CDH13: variants seen among roughly 807,000 people sequenced by gnomAD.
CDH13 encodes the protein cadherin-13.
In CDH13, 24 loss-of-function variants were observed where a neutral mutation model predicts 63.8. The observed-to-expected ratio is 0.38, with a 90% CI of 0.27 to 0.53. The LOEUF is 0.53. CDH13 is among the 20% of genes least tolerant of loss of function. CDH13 has a pLI of 0.85. For missense variants in CDH13, 1,049 were observed against 903.1 expected, an observed-to-expected ratio of 1.16 and a Z score of -2.07; for synonymous variants, 503 against 355.3, an observed-to-expected ratio of 1.42 and a Z score of -4.67.
chr16:83,130,904 T>G (rs927672615), intron 4 of CDH13, among the ~76,000 whole-genome samples: 1 of 152,188 alleles, frequency 6.6e-6, no homozygotes, highest in Non-Finnish European at 1.5e-5. Flanking sequence ...TGTGGCAAGT[T>G]AGCCCTTGGT....
intron 1 of CDH13, among the ~76,000 whole-genome samples, chr16:82,680,658 G>A (rs909124816): frequency 1.3e-5 from 2 of 152,186 alleles, no homozygotes; most frequent in East Asian, 1.9e-4. Context: ...GCACACACAA[G>A]CTGGAATAAT....
intron 1 of CDH13, among the ~76,000 whole-genome samples, chr16:82,675,845 C>G (rs1408668258): frequency 6.6e-6 from 1 of 152,172 alleles, no homozygotes; most frequent in Non-Finnish European, 1.5e-5. Flanking sequence ...AGTTCAGAAG[C>G]CAAAAGAAAT....
chr16:83,098,063 C>G (rs75267638), intron 3 of CDH13, among the ~76,000 whole-genome samples: 1 of 152,080 alleles, frequency 6.6e-6, no homozygotes, highest in Admixed American at 6.6e-5. Context: ...TTGGGATGGT[C>G]CAGATAAGAG....
chr16:83,392,701 G>C (rs936022999), intron 6 of CDH13, among the ~76,000 whole-genome samples: 2 of 152,210 alleles, frequency 1.3e-5, no homozygotes, highest in African/African-American at 4.8e-5. Context: ...GACGCTGGGA[G>C]TACAGTCAGC....
intron 5 of CDH13, among the ~76,000 whole-genome samples, chr16:83,287,457 C>A (rs972019470): frequency 3.9e-5 from 6 of 152,042 alleles, no homozygotes; most frequent in Admixed American, 3.9e-4. Flanking sequence ...TGCCTGAGCT[C>A]CACCTCCTGT....
chr16:83,522,512 C>T (rs561974425), intron 7 of CDH13, among the ~76,000 whole-genome samples: 2 of 152,296 alleles, frequency 1.3e-5, no homozygotes, highest in South Asian at 2.1e-4. Flanking sequence ...GGTAATACTT[C>T]ATTTTTAAAA....
chr16:83,611,788 T>C (rs2078508128), intron 8 of CDH13, among the ~76,000 whole-genome samples: 1 of 152,128 alleles, frequency 6.6e-6, no homozygotes, highest in African/African-American at 2.4e-5. Flanking sequence ...TGTGGTTTTC[T>C]AGAAGTATAT....
chr16:83,361,312 C>T (rs2091156696), intron 6 of CDH13, among the ~76,000 whole-genome samples: 1 of 152,144 alleles, frequency 6.6e-6, no homozygotes, highest in African/African-American at 2.4e-5. Context: ...ATTTAAGTTC[C>T]TTATAGATTC....
chr16:83,761,890 A>T (rs757930560), intron 11 of CDH13, among the ~76,000 whole-genome samples: 5 of 151,956 alleles, frequency 3.3e-5, no homozygotes, highest in Non-Finnish European at 7.4e-5. Flanking sequence ...AACATGGTGA[A>T]ACCCCTTCTC....
chr16:83,467,628 CGAG>C (rs2073349919), intron 6 of CDH13, among the ~76,000 whole-genome samples: 1 of 152,154 alleles, frequency 6.6e-6, no homozygotes, highest in South Asian at 2.1e-4. Context: ...TCTTTGGGCA[CGAG>C]ACACCTGTGT....
intron 6 of CDH13, chr16:83,397,924 A>T (rs972746914): frequency 6.6e-6 from 1 of 152,224 alleles, no homozygotes; most frequent in Non-Finnish European, 1.5e-5. Flanking sequence ...CAATTTACTT[A>T]CCTGCTGGGA....
At chr16:83,696,138 G>A (rs1269904374) in intron 10 of CDH13, among the ~76,000 whole-genome samples, 3 of 152,068 alleles carry the variant, frequency 2.0e-5, no homozygotes, top group East Asian at 3.9e-4. Context: ...CAATCCACTC[G>A]CTTCTGCCTC....
chr16:82,940,610 G>T (rs1403811648), intron 2 of CDH13, among the ~76,000 whole-genome samples: 2 of 152,184 alleles, frequency 1.3e-5, no homozygotes, highest in Non-Finnish European at 2.9e-5. Context: ...GCTGGTTCCT[G>T]CTTCATACAT....
chr16:82,954,852 C>T (rs946327693), intron 2 of CDH13: 12 of 151,914 alleles, frequency 7.9e-5, no homozygotes, highest in African/African-American at 2.7e-4. Context: ...GTTTCATTCC[C>T]TTTTATGGAC....
At chr16:83,329,132 C>T (rs190085571) in intron 5 of CDH13, among the ~76,000 whole-genome samples, 9 of 152,322 alleles carry the variant, frequency 5.9e-5, no homozygotes, top group South Asian at 2.1e-4. Flanking sequence ...TCACAGATTC[C>T]GGAGAACCTA....
At chr16:83,647,784 C>G (rs897661060) in intron 8 of CDH13, among the ~76,000 whole-genome samples, 3 of 152,136 alleles carry the variant, frequency 2.0e-5, no homozygotes, top group African/African-American at 7.2e-5. Context: ...AGCAGTGGTG[C>G]TGGTAGGACC....
chr16:82,640,451 C>G (rs1399097315), intron 1 of CDH13, among the ~76,000 whole-genome samples: 1 of 152,038 alleles, frequency 6.6e-6, no homozygotes, highest in African/African-American at 2.4e-5. Context: ...TGTAATGAGC[C>G]ATCTAGTAAA....
At chr16:82,651,644 A>G (rs1910733073) in intron 1 of CDH13, among the ~76,000 whole-genome samples, 1 of 152,132 alleles carries the variant, frequency 6.6e-6, no homozygotes, top group African/African-American at 2.4e-5. Context: ...CAGTGAGGAG[A>G]CTGAGGCTTA....
chr16:83,260,903 A>G (rs1906906428), intron 5 of CDH13, among the ~76,000 whole-genome samples: 1 of 152,244 alleles, frequency 6.6e-6, no homozygotes, highest in Middle Eastern at 3.4e-3. Flanking sequence ...CTGACAGTGA[A>G]ATGGATGCAC....
Sources: gnomAD v4.1 joint callset for allele counts (sites outside exome capture counted in the v4.1 genomes callset) on GRCh38, gnomAD v4.1.1 for gene constraint, MANE v1.5 for transcripts, NCBI Gene and HGNC (gene_info 2026-07-23, HGNC 2026-07-21) for gene names.